The following EYA3 variants were observed in gnomAD, a reference collection of about 807,000 sequenced individuals.
EYA3 encodes the protein protein phosphatase EYA3.
A neutral mutation model predicts 80.0 loss-of-function variants in EYA3; 39 were observed. The observed-to-expected ratio is 0.49, with a 90% CI of 0.38 to 0.64. The LOEUF (loss-of-function observed/expected upper bound fraction) is 0.64, where lower values mean the gene tolerates loss of function less well. Among genes scored for constraint, EYA3 ranks in the 30% least tolerant of loss-of-function variants. The pLI is 0.00. For synonymous variants in EYA3, 206 were observed against 232.8 expected (o/e 0.88, Z 1.05); for missense variants, 523 against 676.1 (o/e 0.77, Z 2.51).
chr1:28,059,715 ATTTTTTTTTTT>A (rs1224157714), intron 1 of EYA3, among the ~76,000 whole-genome samples: 1 of 113,616 alleles, frequency 8.8e-6, no homozygotes, highest in African/African-American at 3.3e-5. Context: ...CATTTGTTGG[ATTTTTTTTTTT>A]TTTTTTTTTT....
At chr1:28,016,935 C>T (rs2148803682) in intron 8 of EYA3, among the ~76,000 whole-genome samples, 1 of 152,276 alleles carries the variant, frequency 6.6e-6, no homozygotes, top group South Asian at 2.1e-4. Context: ...AAGAAACAGA[C>T]ATAACCATAT....
At chr1:28,018,460 A>G (rs1642215441) in intron 7 of EYA3, among the ~76,000 whole-genome samples, 1 of 152,180 alleles carries the variant, frequency 6.6e-6, no homozygotes, top group Admixed American at 6.5e-5. Flanking sequence ...CATGGTTCCT[A>G]CTGCAGGTAC....
intron 14 of EYA3, among the ~76,000 whole-genome samples, chr1:27,993,159 G>C (rs1296163984): frequency 6.6e-6 from 1 of 152,094 alleles, no homozygotes; most frequent in East Asian, 1.9e-4. Flanking sequence ...CTTTAAAAAG[G>C]CATTTGTCCA....
chr1:28,011,047 G>C lies in EYA3; in HGVS notation c.809C>G (p.Pro270Arg), dbSNP rs555561332. ...STSPSLSQTT[P>R]SKDTDDQSRK... ...GGACTGATCATCAGTATCTTTACTTGGTGTAGTCTGGGACAAAGATGGACT... is the reference window on the plus strand; with the variant it reads ...GGACTGATCATCAGTATCTTTACTTCGTGTAGTCTGGGACAAAGATGGACT... Residue 270 changes from proline (P) to arginine (R), a missense_variant, in exon 10 of 18, where the codon CCA becomes CGA. Physicochemically the swap from Pro to Arg is moderately radical, Grantham distance 103 (BLOSUM62 -2). This residue lies in a region of EYA3 where 304 missense variants were observed against 343.3 expected (regional missense o/e 0.89). Transcript: ENST00000373871. The C allele has an allele frequency of 6.2e-7, 1 of 1,613,896 alleles. No individual in the cohort carries two copies. The highest frequency in any genetic ancestry group is 1.3e-5 in the African/African-American group (1 of 74,992).
At chr1:27,975,085 G>A (rs1359118200) in intron 17 of EYA3, among the ~76,000 whole-genome samples, 1 of 152,220 alleles carries the variant, frequency 6.6e-6, no homozygotes, top group Non-Finnish European at 1.5e-5. Flanking sequence ...CTATGTCCAA[G>A]ATGGAGAATG....
rs1265497502 is a variant in EYA3 at position 28,013,349 on chromosome 1, A to G, written c.586-55T>C. 7.4e-7 allele frequency: 1 copy of G among 1,351,826 alleles called. No homozygotes were observed. The highest frequency in any genetic ancestry group is 9.9e-7 in the Non-Finnish European group (1 of 1,014,314). The allele number at this position is 1,351,826 out of a possible 1,614,324, so 83.7% of individuals were successfully genotyped here. On this transcript the variant is annotated intron_variant, in intron 8 of 17. Coordinates refer to ENST00000373871, the MANE Select transcript of EYA3 (RefSeq NM_001990.4). The surrounding 1 kb of genome is among the most constrained non-coding windows in gnomAD (Gnocchi z 4.0). ...ACTCTTATAGCATACATTAATCTCA[A>G]CACAAGAGGCTTTCTTCTCCCTCTT...
chr1:27,993,117 T>G (rs1277818568), intron 14 of EYA3, among the ~76,000 whole-genome samples: 1 of 152,006 alleles, frequency 6.6e-6, no homozygotes, highest in Non-Finnish European at 1.5e-5. Context: ...TTGTGATACA[T>G]GTCATCAAAC....
intron 5 of EYA3, among the ~76,000 whole-genome samples, chr1:28,036,773 T>A (rs183294921): frequency 1.3e-5 from 2 of 152,288 alleles, no homozygotes; most frequent in Admixed American, 6.5e-5. Flanking sequence ...TTACACTGTA[T>A]ATATAAGTAA....
At chr1:28,045,177 T>C (rs960881740) in intron 3 of EYA3, among the ~76,000 whole-genome samples, 2 of 152,244 alleles carry the variant, frequency 1.3e-5, no homozygotes, top group African/African-American at 2.4e-5. Flanking sequence ...CAAATGTTTA[T>C]ATTTTTGTAA....
At chr1:28,019,654 A>G (rs1375028016) in intron 7 of EYA3, among the ~76,000 whole-genome samples, 2 of 152,042 alleles carry the variant, frequency 1.3e-5, no homozygotes, top group African/African-American at 4.8e-5. Flanking sequence ...CTGGCATACA[A>G]TCCTCTTTTT....
chr1:28,017,384 G>A, intron 7 of EYA3, 145 bp from the exon 8 acceptor site: 1 of 585,354 alleles, frequency 1.7e-6, no homozygotes, highest in Non-Finnish European at 3.0e-6. Context: ...TTGCTTTTTT[G>A]TGTGGGATAG....
intron 1 of EYA3, among the ~76,000 whole-genome samples, chr1:28,069,047 T>TC (rs1307039381): frequency 1.3e-5 from 2 of 152,198 alleles, no homozygotes; most frequent in Non-Finnish European, 2.9e-5. Context: ...TCTCAAGTGA[T>TC]CCGCCCGCCT....
rs114232222 is a variant in EYA3 at position 28,027,490 on chromosome 1, G to C, written c.499+299C>G. On this transcript the variant is annotated intron_variant, in intron 7 of 17. Transcript: ENST00000373871. ...CTTCTGCTCATTTATAGGACAAAAT[G>C]CCACTGAAAATAGACTAGAACAAAA... 6.3e-3 allele frequency among the ~76,000 whole-genome samples: 964 copies of C among 152,224 alleles called. 9 individuals carry two copies. The highest frequency in any genetic ancestry group is 0.021 in the African/African-American group (890 of 41,540).
At chr1:28,078,898 G>C (rs1279944527) in intron 1 of EYA3, among the ~76,000 whole-genome samples, 2 of 152,110 alleles carry the variant, frequency 1.3e-5, no homozygotes, top group African/African-American at 2.4e-5. Context: ...TCAAACCACA[G>C]CTATGTGTCT....
At chr1:28,064,962 G>C (rs966506992) in intron 1 of EYA3, among the ~76,000 whole-genome samples, 1 of 152,208 alleles carries the variant, frequency 6.6e-6, no homozygotes, top group African/African-American at 2.4e-5. Flanking sequence ...CTTAAATAAA[G>C]AGACTAGATA....
At chr1:28,032,348 C>T (rs569096924) in intron 6 of EYA3, among the ~76,000 whole-genome samples, 73 of 152,076 alleles carry the variant, frequency 4.8e-4, no homozygotes, top group Non-Finnish European at 8.5e-4. Context: ...TTAACACATA[C>T]CTTAATATTC....
intron 10 of EYA3, among the ~76,000 whole-genome samples, chr1:28,006,934 CTT>C (rs58401673): frequency 1.4e-3 from 130 of 91,972 alleles, no homozygotes; most frequent in East Asian, 7.7e-3. Flanking sequence ...ATGACATAAT[CTT>C]TTTTTTTTTT....
chr1:28,071,489 A>G (rs935226006), intron 1 of EYA3, among the ~76,000 whole-genome samples: 3 of 152,234 alleles, frequency 2.0e-5, no homozygotes, highest in Non-Finnish European at 4.4e-5. Context: ...GCTTAGCACT[A>G]TATCAAGAAC....
chr1:28,048,858 T>C (rs1256757317), intron 2 of EYA3, among the ~76,000 whole-genome samples: 1 of 152,214 alleles, frequency 6.6e-6, no homozygotes. Context: ...TTAATATGAA[T>C]TCTTATCAGG....
Sources: allele counts gnomAD v4.1 joint callset (sites outside exome capture counted in the v4.1 genomes callset), GRCh38; gene constraint gnomAD v4.1.1; regional missense constraint gnomAD v4.1.1; non-coding constraint Gnocchi (gnomAD v3.1); transcripts MANE v1.5; gene names NCBI Gene and HGNC (gene_info 2026-07-23, HGNC 2026-07-21).